The following SGIP1 variants were observed in gnomAD, a reference collection of about 807,000 sequenced individuals.
SGIP1 encodes the protein SH3GL interacting endocytic adaptor 1.
A neutral mutation model predicts 107.5 loss-of-function variants in SGIP1; 38 were observed. The ratio of observed to expected loss-of-function variants is 0.35; its 90% CI spans 0.27 to 0.46. The LOEUF (loss-of-function observed/expected upper bound fraction) is 0.46. SGIP1 is among the 20% of genes least tolerant of loss of function. SGIP1 has a pLI of 1.00. For synonymous variants in SGIP1, 365 were observed against 366.1 expected (o/e 1.00, Z 0.03); for missense variants, 929 against 1,019.5 (o/e 0.91, Z 1.21).
At chr1:66,567,994 T>C (rs886570633) in intron 1 of SGIP1, among the ~76,000 whole-genome samples, 2 of 152,158 alleles carry the variant, frequency 1.3e-5, no homozygotes, top group African/African-American at 4.8e-5. Context: ...TGAGCTCTTT[T>C]TTGGTTCCAT....
intron 21 of SGIP1, among the ~76,000 whole-genome samples, chr1:66,737,895 G>A (rs1206052408): frequency 1.3e-5 from 2 of 152,132 alleles, no homozygotes; most frequent in East Asian, 1.9e-4. Context: ...TTAAATTGCA[G>A]CATGTTTAGT....
At chr1:66,615,073 G>A (rs540924507) in intron 1 of SGIP1, among the ~76,000 whole-genome samples, 4 of 151,440 alleles carry the variant, frequency 2.6e-5, no homozygotes, top group East Asian at 1.9e-4. Context: ...CACCCACCTC[G>A]GTCTCCTAAA....
chr1:66,608,391 CT>C (rs1439006385), intron 1 of SGIP1, among the ~76,000 whole-genome samples: 1 of 152,142 alleles, frequency 6.6e-6, no homozygotes, highest in African/African-American at 2.4e-5. Flanking sequence ...TATATATATT[CT>C]TGCTAATACA....
At position 66,730,351 on chromosome 1, in the gene SGIP1, C is replaced by G. The variant is rs374687925; in HGVS notation, c.1898+932C>G. 4.6e-5 allele frequency among the ~76,000 whole-genome samples: 7 copies of G among 152,168 alleles called. No individual in the cohort carries two copies. In the East Asian group the frequency reaches 9.7e-4, roughly 21 times the overall value. On this transcript the variant is annotated intron_variant, in intron 20 of 24. Coordinates refer to ENST00000371037, the MANE Select transcript of SGIP1 (RefSeq NM_032291.4). ...GCATATGCACAGTCACACAAACCCA[C>G]ATGCATGCATGCTATTAAAATGATC...
intron 14 of SGIP1, 146 bp from the exon 15 acceptor site, chr1:66,681,723 A>T (rs2086744828): frequency 1.3e-6 from 1 of 757,850 alleles, no homozygotes; most frequent in Non-Finnish European, 2.1e-6. Flanking sequence ...TAGGCTCCTA[A>T]TCCAATAAAG....
chr1:66,741,380 T>C lies in SGIP1; in HGVS notation c.2408T>C (p.Ile803Thr). The change falls in exon 24 of 25, where the codon ATT becomes ACT. Residue 803 changes from isoleucine (I) to threonine (T), a missense_variant. This residue lies in a region of SGIP1 where 341 missense variants were observed against 430.9 expected (regional missense o/e 0.79). Transcript: ENST00000371037. ...GGAAGCACCCTTTCTGGCTGTGACATTGAACTTGTTGGAGCAGGGTATCGA... is the reference window on the plus strand; with the variant it reads ...GGAAGCACCCTTTCTGGCTGTGACACTGAACTTGTTGGAGCAGGGTATCGA... ...SEGSTLSGCD[I>T]ELVGAGYRFS... 1 of 1,610,032 alleles carries C rather than the reference T, an allele frequency of 6.2e-7. No homozygotes were observed. The highest frequency in any genetic ancestry group is 8.5e-7 in the Non-Finnish European group (1 of 1,177,818).
At chr1:66,637,539 T>A (rs938677605) in intron 4 of SGIP1, among the ~76,000 whole-genome samples, 2 of 151,710 alleles carry the variant, frequency 1.3e-5, no homozygotes, top group African/African-American at 4.8e-5. Flanking sequence ...TGTTTGTTTT[T>A]AGTATTCGTT....
intron 19 of SGIP1, among the ~76,000 whole-genome samples, chr1:66,721,040 T>C (rs1450350990): frequency 6.6e-6 from 1 of 152,144 alleles, no homozygotes; most frequent in South Asian, 2.1e-4. Flanking sequence ...TTAAACAACA[T>C]CTAGGTTTCA....
At chr1:66,634,372 C>T (rs906386603) in intron 3 of SGIP1, among the ~76,000 whole-genome samples, 3 of 152,182 alleles carry the variant, frequency 2.0e-5, no homozygotes, top group Non-Finnish European at 4.4e-5. Flanking sequence ...CTCATTGTCT[C>T]TAAGGCCCCC....
rs933258891 is a variant in SGIP1, at chr1:66,564,268, G to A, written c.10+29900G>A. Among the ~76,000 whole-genome samples the A allele has an allele frequency of 4.0e-5, 6 of 151,860 alleles. No homozygotes were observed. In the East Asian group the frequency reaches 5.8e-4, roughly 15 times the overall value. ...CCATGGCTAAGGAGTGGCATACCTG[G>A]ACTTGAACTCAGGTCTCCTCAGGCT... On this transcript the variant is annotated intron_variant, in intron 1 of 24. Coordinates refer to ENST00000371037, the MANE Select transcript of SGIP1 (RefSeq NM_032291.4).
intron 18 of SGIP1, among the ~76,000 whole-genome samples, chr1:66,714,840 G>A (rs1328915178): frequency 6.6e-6 from 1 of 151,970 alleles, no homozygotes; most frequent in Non-Finnish European, 1.5e-5. Context: ...TTAGAAAAAA[G>A]TTTCCAGGCC....
intron 1 of SGIP1, among the ~76,000 whole-genome samples, chr1:66,551,764 T>G (rs141643652): frequency 6.6e-6 from 1 of 152,260 alleles, no homozygotes; most frequent in African/African-American, 2.4e-5. Flanking sequence ...CATAAATTCT[T>G]TAGTCAGAGC....
chr1:66,689,107 C>A (rs752471914), intron 15 of SGIP1, 41 bp from the exon 16 acceptor site: 1 of 1,597,168 alleles, frequency 6.3e-7, no homozygotes, highest in African/African-American at 1.3e-5. Context: ...CGCTTTGGCC[C>A]CCTGTGTTTC....
intron 20 of SGIP1, among the ~76,000 whole-genome samples, chr1:66,731,741 G>A (rs1461348949): frequency 6.6e-6 from 1 of 152,132 alleles, no homozygotes; most frequent in Non-Finnish European, 1.5e-5. Flanking sequence ...CTAGATTGCA[G>A]TACCAGCCTT....
At chr1:66,621,998 C>G (rs1237233637) in intron 1 of SGIP1, among the ~76,000 whole-genome samples, 1 of 152,106 alleles carries the variant, frequency 6.6e-6, no homozygotes, top group African/African-American at 2.4e-5. Context: ...TCTGTAGGAG[C>G]CTGAGTATGA....
At chr1:66,691,173 T>C (rs940384200) in intron 17 of SGIP1, among the ~76,000 whole-genome samples, 1 of 152,178 alleles carries the variant, frequency 6.6e-6, no homozygotes, top group Non-Finnish European at 1.5e-5. Context: ...AACTCCCCTC[T>C]GGCTCTTCCA....
At chr1:66,593,226 G>A (rs774336696) in intron 1 of SGIP1, among the ~76,000 whole-genome samples, 4 of 151,868 alleles carry the variant, frequency 2.6e-5, no homozygotes, top group East Asian at 1.9e-4. Context: ...TCCAAGTTTG[G>A]GCAAATATAA....
intron 16 of SGIP1, among the ~76,000 whole-genome samples, chr1:66,689,752 T>C (rs1200296633): frequency 6.6e-6 from 1 of 152,232 alleles, no homozygotes; most frequent in Non-Finnish European, 1.5e-5. Context: ...AAACATTCTG[T>C]GTGAACAATT....
intron 1 of SGIP1, among the ~76,000 whole-genome samples, chr1:66,618,935 G>A (rs945512766): frequency 1.3e-5 from 2 of 152,176 alleles, no homozygotes; most frequent in African/African-American, 4.8e-5. Flanking sequence ...TCTGAGTATG[G>A]TCACATATTT....
Sources: gnomAD v4.1 joint callset for allele counts (sites outside exome capture counted in the v4.1 genomes callset) on GRCh38, gnomAD v4.1.1 for gene constraint, gnomAD v4.1.1 regional missense constraint, MANE v1.5 for transcripts, NCBI Gene and HGNC (gene_info 2026-07-23, HGNC 2026-07-21) for gene names.